The following ZNF717 variants were observed in gnomAD, a reference collection of about 807,000 sequenced individuals.
ZNF717 encodes krueppel-like factor X17.
A neutral mutation model predicts 13.8 loss-of-function variants in ZNF717; 9 were observed. The observed-to-expected ratio is 0.65, with a 90% CI of 0.39 to 1.14. ZNF717 has a LOEUF of 1.14. Ranked by LOEUF, ZNF717 falls within the 50% of genes most tolerant of loss-of-function variation. ZNF717 has a pLI of 0.01. For missense variants in ZNF717, 1,040 were observed against 1,080.7 expected (o/e 0.96, Z 0.53); for synonymous variants, 327 against 364.1 (o/e 0.90, Z 1.16).
chr3:75,775,091 A>G (rs1944207049), intron 2 of ZNF717, among the ~76,000 whole-genome samples: 1 of 152,126 alleles, frequency 6.6e-6, no homozygotes, highest in Admixed American at 6.5e-5. Context: ...CCTCACAAGT[A>G]GCTGGGATTA....
At chr3:75,765,455 G>A (rs1308719464) in intron 2 of ZNF717, among the ~76,000 whole-genome samples, 1 of 152,160 alleles carries the variant, frequency 6.6e-6, no homozygotes, top group African/African-American at 2.4e-5. Flanking sequence ...CTGTTGCCCT[G>A]GCAGGAGTGC....
rs1395346838 is a variant in ZNF717, at chr3:75,724,268, CG to C, written n.545-7728del. Among the ~76,000 whole-genome samples, 1,456 of 147,396 alleles carry C rather than the reference CG, an allele frequency of 9.9e-3. 25 individuals are homozygous for C. Among genetic ancestry groups the C allele is most frequent in the African/African-American group, 0.035 (1,411 of 40,152 alleles). ...CCACGTCTTGGTGGTAGTGGTCCCC[CG>C]GGCCCAAATGTCTTTTCCTCTATCT... is the stretch of plus-strand genomic sequence containing the variant. On this transcript the variant is annotated intron_variant and non_coding_transcript_variant, in intron 4 of 5. Transcript: ENST00000491507.
intron 2 of ZNF717, among the ~76,000 whole-genome samples, chr3:75,779,136 A>G (rs1382476196): frequency 6.6e-6 from 1 of 152,038 alleles, no homozygotes; most frequent in Non-Finnish European, 1.5e-5. Flanking sequence ...ACCAGAACAC[A>G]AAACAATGGG....
At chr3:75,766,116 T>A (rs868300627) in intron 2 of ZNF717, among the ~76,000 whole-genome samples, 1 of 132,650 alleles carries the variant, frequency 7.5e-6, no homozygotes. Flanking sequence ...TAAAAAAAAA[T>A]AAACAAACAA....
intron 2 of ZNF717, among the ~76,000 whole-genome samples, chr3:75,765,963 G>T (rs927479511): frequency 3.3e-5 from 5 of 152,102 alleles, no homozygotes; most frequent in African/African-American, 1.2e-4. Context: ...ATAAAAATTA[G>T]CCAGGTATGG....
chr3:75,695,696 G>T (rs1468257743), intron 6 of ZNF717, among the ~76,000 whole-genome samples: 58 of 152,290 alleles, frequency 3.8e-4, no homozygotes, highest in Non-Finnish European at 7.6e-4. Context: ...CAAACACAAG[G>T]ATATTAAACA....
intron 2 of ZNF717, among the ~76,000 whole-genome samples, chr3:75,775,038 T>A (rs1944203622): frequency 6.6e-6 from 1 of 152,162 alleles, no homozygotes; most frequent in South Asian, 2.1e-4. Context: ...TGAGGCTCAC[T>A]GAAGCCTCCA....
intron 2 of ZNF717, among the ~76,000 whole-genome samples, chr3:75,743,304 C>T (rs74987560): frequency 0.039 from 3,526 of 91,226 alleles, no homozygotes; most frequent in Middle Eastern, 0.062. Context: ...AAAATTTCTG[C>T]AGATGCTCTT....
chr3:75,738,779 G>T lies in ZNF717; in HGVS notation c.844C>A (p.Pro282Thr), dbSNP rs1315465655. The T allele has an allele frequency of 6.4e-6, 10 of 1,552,988 alleles. No homozygotes were observed. Among genetic ancestry groups the T allele is most frequent in the Non-Finnish European group, 8.7e-6 (10 of 1,148,004 alleles). ...KHQQTHTGEK[P>T]YECVECEKPS... ...TTCTCACATTCAACACATTCATAGG[G>T]TTTCTCTCCTGTGTGTGTCTGCTGA... Residue 282 changes from proline (P) to threonine (T), a missense_variant, in exon 5 of 5, where the codon CCC becomes ACC. Physicochemically the swap from Pro to Thr is conservative, Grantham distance 38. Around this residue, in one of 3 missense-constraint regions of ZNF717, gnomAD observed 873 missense variants for 832.8 expected, o/e 1.05. Coordinates refer to ENST00000652011, the MANE Select transcript of ZNF717 (RefSeq NM_001290208.3).
chr3:75,720,037 C>A (rs1344913689), intron 4 of ZNF717, among the ~76,000 whole-genome samples: 5 of 151,216 alleles, frequency 3.3e-5, no homozygotes, highest in African/African-American at 1.2e-4. Context: ...AAAGGGAATG[C>A]CTATACACTC....
At chr3:75,754,598 A>G (rs1331052055) in intron 2 of ZNF717, among the ~76,000 whole-genome samples, 1 of 152,252 alleles carries the variant, frequency 6.6e-6, no homozygotes. Context: ...TTATTAGTAG[A>G]CTAGACTCAG....
intron 1 of ZNF717, among the ~76,000 whole-genome samples, 165 bp from the exon 2 acceptor site, chr3:75,783,529 C>T (rs1046856136): frequency 6.6e-6 from 1 of 152,220 alleles, no homozygotes; most frequent in African/African-American, 2.4e-5. Context: ...TCATTAGGGG[C>T]AGCAAAGACT....
chr3:75,765,035 A>ATATATATATATATATATATATG (rs1559662069), intron 2 of ZNF717, among the ~76,000 whole-genome samples: 5 of 81,782 alleles, frequency 6.1e-5, no homozygotes, highest in South Asian at 3.7e-4. Flanking sequence ...ATATATGTAT[A>ATATATATATATATATATATATG]TGTGTGTGTG....
intron 5 of ZNF717, among the ~76,000 whole-genome samples, chr3:75,715,356 C>T (rs1371490305): frequency 6.6e-5 from 10 of 152,224 alleles, no homozygotes; most frequent in Admixed American, 2.0e-4. Flanking sequence ...AGATTTTCAG[C>T]GGTTTTAAAT....
At chr3:75,767,763 C>T (rs1189634371) in intron 2 of ZNF717, among the ~76,000 whole-genome samples, 2 of 152,002 alleles carry the variant, frequency 1.3e-5, no homozygotes, top group Admixed American at 1.3e-4. Flanking sequence ...CCCTAACTGT[C>T]ACTGAATAAA....
intron 4 of ZNF717, among the ~76,000 whole-genome samples, chr3:75,720,066 A>T (rs1342485672): frequency 6.6e-6 from 1 of 152,012 alleles, no homozygotes; most frequent in Non-Finnish European, 1.5e-5. Flanking sequence ...AATGTAAATT[A>T]GTTCAGCCAC....
chr3:75,783,386 G>A (rs768527958), intron 1 of ZNF717, 22 bp from the exon 2 acceptor site: 78 of 1,543,962 alleles, frequency 5.1e-5, no homozygotes, highest in Admixed American at 5.9e-5. Flanking sequence ...GGCAAATGAC[G>A]TGAATTAAGG....
intron 2 of ZNF717, among the ~76,000 whole-genome samples, chr3:75,762,707 C>T (rs1429475082): frequency 6.6e-6 from 1 of 152,052 alleles, no homozygotes; most frequent in Non-Finnish European, 1.5e-5. Flanking sequence ...AAAAACCCAT[C>T]CTAAAACTCA....
intron 4 of ZNF717, among the ~76,000 whole-genome samples, chr3:75,718,188 C>G (rs1248774235): frequency 6.6e-6 from 1 of 152,162 alleles, no homozygotes; most frequent in East Asian, 1.9e-4. Flanking sequence ...CCAGTCCAGT[C>G]AGTAGTAGAA....
Sources: allele counts gnomAD v4.1 joint callset (sites outside exome capture counted in the v4.1 genomes callset), GRCh38; gene constraint gnomAD v4.1.1; regional missense constraint gnomAD v4.1.1; transcripts MANE v1.5; gene names NCBI Gene and HGNC (gene_info 2026-07-23, HGNC 2026-07-21).